Variants in SSUH2 observed in about 807,000 individuals in gnomAD.
SSUH2 encodes protein SSUH2 homolog.
SSUH2 carries 47 observed loss-of-function variants against 55.3 expected under a neutral mutation model. That is an observed-to-expected ratio of 0.85 (90% CI 0.67 to 1.08). The LOEUF (loss-of-function observed/expected upper bound fraction) is 1.08. Ranked by LOEUF, SSUH2 falls within the 50% of genes least tolerant of loss-of-function variation. The probability of loss-of-function intolerance (pLI) is 0.00; values close to 1 mark genes in which losing one functional copy is unlikely to be tolerated. For synonymous variants in SSUH2, 212 were observed against 191.5 expected, an observed-to-expected ratio of 1.11 and a Z score of -0.89; for missense variants, 535 against 490.7, an observed-to-expected ratio of 1.09 and a Z score of -0.85.
At chr3:8,635,234 A>G in intron 3 of SSUH2, 66 bp downstream of exon 3, 2 of 1,366,450 alleles carry the variant, frequency 1.5e-6, no homozygotes, top group East Asian at 2.5e-5. Context: ...GCCAGGGCTG[A>G]GATCCTCAAG....
upstream of SSUH2, among the ~76,000 whole-genome samples, chr3:8,645,390 C>T (rs1293357057): frequency 1.3e-5 from 2 of 152,162 alleles, no homozygotes; most frequent in Non-Finnish European, 2.9e-5. Flanking sequence ...CCACTACTGT[C>T]GCCACACCAG....
At chr3:8,621,221 G>T (rs1435720410) in intron 11 of SSUH2, among the ~76,000 whole-genome samples, 1 of 152,168 alleles carries the variant, frequency 6.6e-6, no homozygotes, top group Non-Finnish European at 1.5e-5. Flanking sequence ...ACTCAGATGT[G>T]GGGACCCAAA....
chr3:8,664,485 T>C (rs574171784), intron 5 of SSUH2, among the ~76,000 whole-genome samples: 1 of 152,134 alleles, frequency 6.6e-6, no homozygotes. Flanking sequence ...AATTTTTTTT[T>C]ACCACATTTA....
In SSUH2 at chr3:8,633,749, A is replaced by T; in HGVS notation, c.256T>A (p.Phe86Ile). 6.2e-7 allele frequency: 1 copy of T among 1,607,998 alleles called. No individual in the cohort carries two copies. Among genetic ancestry groups the T allele is most frequent in the Non-Finnish European group, 8.5e-7 (1 of 1,176,694 alleles). Residue 86 changes from phenylalanine to isoleucine, a missense_variant, in exon 4 of 12, where the codon TTT (phenylalanine) becomes ATT (isoleucine). Coordinates refer to ENST00000544814, the MANE Select transcript of SSUH2 (RefSeq NM_001256748.3). ...CTGTAGCAGCACTTAGAGTCCACAAAGCTGAGGAGGGCTTCCCGGGCCACC... is the reference window on the plus strand; with the variant it reads ...CTGTAGCAGCACTTAGAGTCCACAATGCTGAGGAGGGCTTCCCGGGCCACC... ...EEVAREALLSFVDSKCCYSST... is the reference protein window; with the variant it reads ...EEVAREALLSIVDSKCCYSST...
chr3:8,651,221 C>T (rs916772596), intron 7 of SSUH2, among the ~76,000 whole-genome samples: 7 of 152,240 alleles, frequency 4.6e-5, no homozygotes, highest in African/African-American at 7.2e-5. Context: ...ACTAACTTCC[C>T]GTCCTTGTGT....
chr3:8,677,944 C>T (rs1431024375), intron 2 of SSUH2, among the ~76,000 whole-genome samples: 4 of 150,962 alleles, frequency 2.6e-5, no homozygotes, highest in Admixed American at 6.6e-5. Context: ...GATGTACACC[C>T]GTCTGTACTG....
chr3:8,627,813 C>A, intron 7 of SSUH2, 30 bp from the exon 8 acceptor site: 1 of 1,587,260 alleles, frequency 6.3e-7, no homozygotes, highest in Non-Finnish European at 8.6e-7. Context: ...TCAGCCCCCG[C>A]TGGCCTCCCA....
chr3:8,621,814 G>A (rs771764002), intron 11 of SSUH2, among the ~76,000 whole-genome samples: 66 of 152,198 alleles, frequency 4.3e-4, no homozygotes, highest in Non-Finnish European at 8.4e-4. Context: ...AGGGCACAAG[G>A]AGATGGGAGT....
chr3:8,639,961 T>C, intron 1 of SSUH2: 1 of 985,374 alleles, frequency 1.0e-6, no homozygotes, highest in Non-Finnish European at 1.2e-6. Flanking sequence ...GATGGGTGTA[T>C]TGTCGATATG....
upstream of SSUH2, among the ~76,000 whole-genome samples, chr3:8,646,180 A>G (rs1428366769): frequency 1.3e-5 from 2 of 152,248 alleles, no homozygotes; most frequent in Admixed American, 1.3e-4. Context: ...TACCCTAAAC[A>G]TCTGTGTGAG....
chr3:8,666,047 A>T (rs1703964208), intron 5 of SSUH2, among the ~76,000 whole-genome samples: 1 of 152,224 alleles, frequency 6.6e-6, no homozygotes, highest in Non-Finnish European at 1.5e-5. Context: ...GAGCTCCCAA[A>T]ACACCTCTGA....
chr3:8,661,847 T>C (rs957187993), intron 6 of SSUH2, among the ~76,000 whole-genome samples: 1 of 152,222 alleles, frequency 6.6e-6, no homozygotes, highest in Non-Finnish European at 1.5e-5. Context: ...CCCATGTGTT[T>C]TGGGAGGGAC....
intron 3 of SSUH2, among the ~76,000 whole-genome samples, chr3:8,674,197 G>T (rs1293731876): frequency 6.6e-6 from 1 of 152,238 alleles, no homozygotes; most frequent in East Asian, 1.9e-4. Flanking sequence ...GCAATCAGAG[G>T]GGTCCCCCCA....
intron 11 of SSUH2, 24 bp downstream of exon 11, chr3:8,623,525 G>A: frequency 7.0e-7 from 1 of 1,423,786 alleles, no homozygotes; most frequent in Non-Finnish European, 9.7e-7. Flanking sequence ...GTCAGAGCCA[G>A]ATGGCCCCTC....
chr3:8,666,780 A>C (rs994940219), intron 5 of SSUH2, among the ~76,000 whole-genome samples: 2 of 152,206 alleles, frequency 1.3e-5, no homozygotes, highest in Non-Finnish European at 1.5e-5. Flanking sequence ...CACTCCGGAC[A>C]CCAGTTGCAA....
intron 5 of SSUH2, among the ~76,000 whole-genome samples, chr3:8,631,277 A>T (rs1467731299): frequency 6.6e-6 from 1 of 152,174 alleles, no homozygotes; most frequent in Non-Finnish European, 1.5e-5. Flanking sequence ...AATGTATATA[A>T]AATTGTTAGC....
upstream of SSUH2, among the ~76,000 whole-genome samples, chr3:8,649,301 G>A (rs917890927): frequency 5.9e-5 from 9 of 152,158 alleles, no homozygotes; most frequent in Admixed American, 1.3e-4. Context: ...GGCAGGAATT[G>A]CATTTCTCCT....
In SSUH2 at chr3:8,678,903, C is replaced by T. The variant is rs563928938; in HGVS notation, c.-901+802G>A. On this transcript the variant is annotated intron_variant, in intron 2 of 18. Coordinates refer to the SSUH2 transcript ENST00000317371. ...ATCCCCATTGCAAGGGAGGGAGGCA[C>T]CCCCCGCCAGGCGGGGACTGAGAGC... 2.3e-3 allele frequency among the ~76,000 whole-genome samples: 272 copies of T among 115,964 alleles called. 59 individuals are homozygous for T. The highest frequency in any genetic ancestry group is 7.4e-3 in the African/African-American group (252 of 34,276). 76.1% of individuals were successfully genotyped at this position (115,964 alleles called of 152,430 possible). A position where few individuals can be genotyped will look rare whatever the true frequency, so the allele number is the denominator to read the frequency against.
At chr3:8,635,175 G>A in intron 3 of SSUH2, 125 bp downstream of exon 3, 3 of 700,494 alleles carry the variant, frequency 4.3e-6, no homozygotes, top group East Asian at 2.7e-5. Flanking sequence ...AGGATCTGGT[G>A]CAGTAGGTCT....
Sources: gnomAD v4.1 joint callset for allele counts (sites outside exome capture counted in the v4.1 genomes callset) on GRCh38, gnomAD v4.1.1 for gene constraint, MANE v1.5 for transcripts, NCBI Gene and HGNC (gene_info 2026-07-23, HGNC 2026-07-21) for gene names.